DPP10: variants seen among roughly 807,000 people sequenced by gnomAD.
DPP10 encodes dipeptidyl peptidase like 10.
A neutral mutation model predicts 120.9 loss-of-function variants in DPP10; 33 were observed. That is an observed-to-expected ratio of 0.27 (90% CI 0.21 to 0.37). The LOEUF (loss-of-function observed/expected upper bound fraction) is 0.37. Ranked by LOEUF, DPP10 falls within the 10% of genes least tolerant of loss-of-function variation. The pLI, the probability that DPP10 is intolerant of heterozygous loss-of-function variation, is 1.00. For missense variants in DPP10, 816 were observed against 942.8 expected, an observed-to-expected ratio of 0.87 and a Z score of 1.76; for synonymous variants, 337 against 326.1, an observed-to-expected ratio of 1.03 and a Z score of -0.36.
At chr2:115,535,340 G>A (rs1192656864) in intron 5 of DPP10, among the ~76,000 whole-genome samples, 2 of 151,054 alleles carry the variant, frequency 1.3e-5, no homozygotes, top group Admixed American at 6.6e-5. Flanking sequence ...TGGCTAGCCA[G>A]TTTTCCCAGC....
chr2:115,753,325 C>A, intron 11 of DPP10, 28 bp downstream of exon 11: 2 of 1,570,992 alleles, frequency 1.3e-6, no homozygotes, highest in Non-Finnish European at 1.7e-6. Flanking sequence ...TTCTTTTATG[C>A]CTAAAATGAA....
intron 1 of DPP10, among the ~76,000 whole-genome samples, chr2:115,033,265 A>G (rs1703973293): frequency 6.6e-6 from 1 of 152,152 alleles, no homozygotes; most frequent in African/African-American, 2.4e-5. Flanking sequence ...GTGGTTATAA[A>G]CACGATGAGA....
chr2:114,928,961 A>G (rs948077954), intron 1 of DPP10, among the ~76,000 whole-genome samples: 1 of 152,190 alleles, frequency 6.6e-6, no homozygotes, highest in African/African-American at 2.4e-5. Context: ...ATTTCAACGT[A>G]GGTTCTTTTC....
chr2:114,656,702 G>A (rs1696992585), intron 1 of DPP10, among the ~76,000 whole-genome samples: 1 of 152,062 alleles, frequency 6.6e-6, no homozygotes, highest in Non-Finnish European at 1.5e-5. Context: ...GCACATGTGT[G>A]GTGATGGTGC....
intron 4 of DPP10, among the ~76,000 whole-genome samples, chr2:115,515,916 C>A (rs2077481627): frequency 6.6e-6 from 1 of 152,194 alleles, no homozygotes; most frequent in Non-Finnish European, 1.5e-5. Flanking sequence ...ACACTGAACA[C>A]CTTCTTCCAG....
intron 1 of DPP10, among the ~76,000 whole-genome samples, chr2:114,477,146 G>A (rs1215250980): frequency 6.6e-6 from 1 of 151,710 alleles, no homozygotes; most frequent in Non-Finnish European, 1.5e-5. Context: ...TTTAGTAGAG[G>A]CATGGTTTCA....
intron 3 of DPP10, among the ~76,000 whole-genome samples, chr2:115,454,928 A>T (rs972834547): frequency 5.9e-5 from 9 of 151,712 alleles, no homozygotes; most frequent in African/African-American, 2.2e-4. Flanking sequence ...TCAAGGAGCA[A>T]TCTAAAAATG....
At chr2:115,142,092 T>C (rs2050958611) in intron 1 of DPP10, among the ~76,000 whole-genome samples, 1 of 152,144 alleles carries the variant, frequency 6.6e-6, no homozygotes, top group African/African-American at 2.4e-5. Context: ...AGTTATGTGC[T>C]CCATAGTTAA....
At chr2:114,730,619 A>G (rs1365117135) in intron 1 of DPP10, among the ~76,000 whole-genome samples, 1 of 152,020 alleles carries the variant, frequency 6.6e-6, no homozygotes, top group Admixed American at 6.6e-5. Flanking sequence ...TGTCTGAGAC[A>G]GTCTTGCTCT....
At chr2:115,171,666 G>A (rs149086717) in intron 1 of DPP10, among the ~76,000 whole-genome samples, 6 of 151,590 alleles carry the variant, frequency 4.0e-5, no homozygotes, top group African/African-American at 1.5e-4. Context: ...CAAAGCCTTC[G>A]GTGGTGTCAT....
chr2:115,213,681 G>T (rs1013158709), intron 1 of DPP10, among the ~76,000 whole-genome samples: 1 of 151,958 alleles, frequency 6.6e-6, no homozygotes, highest in African/African-American at 2.4e-5. Flanking sequence ...TTGTATTACT[G>T]CAGTTAATAT....
At chr2:115,641,561 A>G (rs1454093980) in intron 5 of DPP10, among the ~76,000 whole-genome samples, 1 of 152,034 alleles carries the variant, frequency 6.6e-6, no homozygotes, top group East Asian at 1.9e-4. Context: ...TAGTCTTTTT[A>G]TTACCGTACT....
At chr2:115,096,689 C>T (rs999627232) in intron 1 of DPP10, among the ~76,000 whole-genome samples, 1 of 152,124 alleles carries the variant, frequency 6.6e-6, no homozygotes, top group Admixed American at 6.6e-5. Flanking sequence ...ATACTAAATG[C>T]ATACACTTTT....
chr2:115,071,248 T>C (rs547021878), intron 1 of DPP10, among the ~76,000 whole-genome samples: 29 of 152,334 alleles, frequency 1.9e-4, no homozygotes, highest in Admixed American at 1.9e-3. Flanking sequence ...TGTCATTCTC[T>C]TTGTTCTATA....
intron 1 of DPP10, among the ~76,000 whole-genome samples, chr2:114,576,087 C>T (rs902412494): frequency 3.9e-5 from 6 of 152,162 alleles, no homozygotes; most frequent in African/African-American, 1.4e-4. Context: ...TGGTTACCCC[C>T]AATGTAGAGT....
intron 1 of DPP10, among the ~76,000 whole-genome samples, chr2:114,793,831 G>A (rs1029724229): frequency 6.6e-5 from 10 of 152,006 alleles, no homozygotes; most frequent in African/African-American, 2.4e-4. Context: ...AATTTATTAT[G>A]ACCACACTAT....
chr2:114,574,042 T>C (rs1288075053), intron 1 of DPP10, among the ~76,000 whole-genome samples: 1 of 152,148 alleles, frequency 6.6e-6, no homozygotes, highest in African/African-American at 2.4e-5. Context: ...GAAAGAAGTA[T>C]GGCATTTTAT....
At chr2:115,072,229 G>A (rs1173745612) in intron 1 of DPP10, among the ~76,000 whole-genome samples, 1 of 152,142 alleles carries the variant, frequency 6.6e-6, no homozygotes. Flanking sequence ...CCCGACTGAA[G>A]AGGCTGACAA....
Position 115,232,326 on chromosome 2 carries a change from A to G in DPP10, c.61-76913A>G, listed in dbSNP as rs933886358. Among the ~76,000 whole-genome samples the G allele has an allele frequency of 3.0e-4, 15 of 50,530 alleles. No individual in the cohort carries two copies. The East Asian group carries it at 5.9e-3, about 20-fold the overall frequency. The allele number at this position is 50,530 out of a possible 152,430, so 33.1% of individuals were successfully genotyped here. A position where few individuals can be genotyped will look rare whatever the true frequency, so the allele number is the denominator to read the frequency against. On this transcript the variant is annotated intron_variant, in intron 1 of 25. Transcript: ENST00000410059. ...TTCTGAGCTTCACCATTTTTCTGGA[A>G]AAAAAAAAAGGTTTTTAGGTGCTTT...
Sources: allele counts gnomAD v4.1 joint callset (sites outside exome capture counted in the v4.1 genomes callset), GRCh38; gene constraint gnomAD v4.1.1; transcripts MANE v1.5; gene names NCBI Gene and HGNC (gene_info 2026-07-23, HGNC 2026-07-21).